Variants in MTUS2 observed in about 807,000 individuals in gnomAD.
The protein encoded by MTUS2 is microtubule-associated tumor suppressor candidate 2.
A neutral mutation model predicts 114.1 loss-of-function variants in MTUS2; 40 were observed. The ratio of observed to expected loss-of-function variants is 0.35; its 90% confidence interval spans 0.27 to 0.46. The LOEUF (loss-of-function observed/expected upper bound fraction) is 0.46. Among genes scored for constraint, MTUS2 ranks in the 20% least tolerant of loss-of-function variants. The pLI, the probability that MTUS2 is intolerant of heterozygous loss-of-function variation, is 1.00. For missense variants in MTUS2, 1,679 were observed against 1,705.4 expected (o/e 0.98, Z 0.27); for synonymous variants, 688 against 672.0 (o/e 1.02, Z -0.37).
chr13:29,428,778 C>A (rs1566194894), intron 8 of MTUS2: 1 of 1,610,180 alleles, frequency 6.2e-7, no homozygotes, highest in African/African-American at 1.3e-5. Flanking sequence ...GCCGGTACCT[C>A]GGCTTAGGAG....
intron 5 of MTUS2, among the ~76,000 whole-genome samples, chr13:29,111,912 A>C (rs1488461354): frequency 6.6e-6 from 1 of 152,176 alleles, no homozygotes. Context: ...ATAAAGTAAG[A>C]AAGTGCCATT....
intron 5 of MTUS2, among the ~76,000 whole-genome samples, chr13:29,133,530 A>G (rs1374738250): frequency 2.0e-5 from 3 of 152,200 alleles, no homozygotes; most frequent in Non-Finnish European, 4.4e-5. Flanking sequence ...ACTTTTGTAT[A>G]TGATGTTAGG....
At chr13:28,950,277 C>G (rs1468746879) in intron 2 of MTUS2, among the ~76,000 whole-genome samples, 4 of 152,190 alleles carry the variant, frequency 2.6e-5, no homozygotes, top group Non-Finnish European at 4.4e-5. Flanking sequence ...GTCCTTTGCT[C>G]ATTTTTAATC....
intron 4 of MTUS2, among the ~76,000 whole-genome samples, chr13:29,044,547 A>T (rs1430046261): frequency 4.6e-5 from 7 of 151,892 alleles, no homozygotes; most frequent in Admixed American, 4.6e-4. Context: ...CTCTTCAGGG[A>T]CTCCAATTAC....
rs547054431 is a variant in MTUS2 at position 29,001,792 on chromosome 13, A to G, written c.-242-22665A>G. 4.6e-5 allele frequency among the ~76,000 whole-genome samples: 7 copies of G among 152,300 alleles called. No homozygotes were observed. In the East Asian group the frequency reaches 5.8e-4, roughly 13 times the overall value. On this transcript the variant is annotated intron_variant, in intron 2 of 15. Coordinates refer to ENST00000612955, the MANE Select transcript of MTUS2 (RefSeq NM_001033602.4). ...ATCCTGGATGATCTGAGTAGGTCCA[A>G]TGAAATCTCTAGGGTCCTTGTAAGA...
At chr13:28,841,060 A>G (rs1368502207) in intron 2 of MTUS2, among the ~76,000 whole-genome samples, 1 of 152,226 alleles carries the variant, frequency 6.6e-6, no homozygotes, top group Non-Finnish European at 1.5e-5. Flanking sequence ...TTGTTCTCAA[A>G]GACGATTTAA....
At chr13:28,933,183 TTATC>T (rs1881713535) in intron 2 of MTUS2, among the ~76,000 whole-genome samples, 1 of 150,452 alleles carries the variant, frequency 6.6e-6, no homozygotes, top group Admixed American at 6.6e-5. Context: ...ATCTGTTAAC[TTATC>T]TATTTATCAG....
At position 29,186,661 on chromosome 13, in the gene MTUS2, C is replaced by A. The variant is rs117177205; in HGVS notation, c.2644+85691C>A. ...TCATAATTGAAGGAGGAAATACAATCCAACAATAGGAGTTGAAGATTTCAG... is the reference window on the plus strand; with the variant it reads ...TCATAATTGAAGGAGGAAATACAATACAACAATAGGAGTTGAAGATTTCAG... On this transcript the variant is annotated intron_variant, in intron 5 of 15. Coordinates refer to ENST00000612955, the MANE Select transcript of MTUS2 (RefSeq NM_001033602.4). Among the ~76,000 whole-genome samples, 256 of 152,250 alleles carry A rather than the reference C, an allele frequency of 1.7e-3. 3 individuals carry two copies. Among genetic ancestry groups the A allele is most frequent in the South Asian group, 0.015 (73 of 4,822 alleles).
At chr13:29,308,441 C>G (rs1395176553) in intron 6 of MTUS2, among the ~76,000 whole-genome samples, 2 of 152,182 alleles carry the variant, frequency 1.3e-5, no homozygotes, top group Non-Finnish European at 2.9e-5. Flanking sequence ...AAACTCAAAA[C>G]TATAAAAACC....
chr13:29,352,234 G>T (rs1040253549), intron 7 of MTUS2, among the ~76,000 whole-genome samples: 5 of 152,176 alleles, frequency 3.3e-5, no homozygotes, highest in African/African-American at 9.7e-5. Flanking sequence ...TCTGTGAAAT[G>T]GAAATTTTAC....
chr13:29,435,773 G>A (rs983188857), intron 8 of MTUS2, among the ~76,000 whole-genome samples: 1 of 152,234 alleles, frequency 6.6e-6, no homozygotes, highest in African/African-American at 2.4e-5. Context: ...TAAATTAGAA[G>A]AGTTGATATC....
chr13:29,088,453 C>T (rs192224168), intron 4 of MTUS2, among the ~76,000 whole-genome samples: 129 of 152,242 alleles, frequency 8.5e-4, no homozygotes, highest in Non-Finnish European at 1.5e-3. Flanking sequence ...TACATTCTTA[C>T]ATTGTTGTGT....
Position 29,384,341 on chromosome 13 carries a change from C to T in MTUS2, c.3117+24868C>T, listed in dbSNP as rs143125351. Among the ~76,000 whole-genome samples the T allele has an allele frequency of 1.7e-3, 261 of 152,340 alleles. 1 individual carries two copies. The highest frequency in any genetic ancestry group is 0.014 in the Middle Eastern group (4 of 294). On this transcript the variant is annotated intron_variant, in intron 8 of 15. Coordinates refer to ENST00000612955, the MANE Select transcript of MTUS2 (RefSeq NM_001033602.4). The stretch of plus-strand genomic sequence containing the variant: ...ATTATAATTATTTATGACCCTTACT[C>T]AATTAAAAATACCAGCTTTTTGTAA...
intron 5 of MTUS2, among the ~76,000 whole-genome samples, chr13:29,118,568 C>T (rs1891181970): frequency 6.6e-6 from 1 of 152,192 alleles, no homozygotes; most frequent in South Asian, 2.1e-4. Context: ...CTGCTGAGTG[C>T]TCGTGGGAAG....
rs372794509 is a variant in MTUS2 at position 29,034,767 on chromosome 13, CGTT to C, written c.2446+643_2446+645del. Among the ~76,000 whole-genome samples, 540 of 152,266 alleles carry C rather than the reference CGTT, an allele frequency of 3.5e-3. 4 individuals carry two copies. Among genetic ancestry groups the C allele is most frequent in the African/African-American group, 0.012 (508 of 41,540 alleles). On this transcript the variant is annotated intron_variant, in intron 4 of 15. Transcript: ENST00000612955. ...CAGGACCTGGCTAGAGATGTAAAAG[CGTT>C]ATCTGTAGGCAGAGAGATGATATTC...
At chr13:29,087,635 G>A (rs1889749590) in intron 4 of MTUS2, among the ~76,000 whole-genome samples, 1 of 152,170 alleles carries the variant, frequency 6.6e-6, no homozygotes, top group African/African-American at 2.4e-5. Context: ...TGTGAAAAAT[G>A]GCATTGATAG....
intron 2 of MTUS2, among the ~76,000 whole-genome samples, chr13:28,912,588 T>C (rs989873948): frequency 6.6e-5 from 10 of 152,104 alleles, no homozygotes; most frequent in African/African-American, 2.2e-4. Context: ...CATTGAATCT[T>C]TAAATTACTT....
At chr13:29,449,446 C>T (rs1030465016) in intron 9 of MTUS2, among the ~76,000 whole-genome samples, 4 of 152,164 alleles carry the variant, frequency 2.6e-5, no homozygotes, top group African/African-American at 9.7e-5. Flanking sequence ...TATAGTTACA[C>T]AGTGCTTAGT....
At chr13:28,902,585 T>C (rs1458038508) in intron 2 of MTUS2, among the ~76,000 whole-genome samples, 1 of 152,162 alleles carries the variant, frequency 6.6e-6, no homozygotes, top group Non-Finnish European at 1.5e-5. Context: ...CATTAATTGA[T>C]ACAATCTTGC....
Sources: gnomAD v4.1 joint callset for allele counts (sites outside exome capture counted in the v4.1 genomes callset) on GRCh38, gnomAD v4.1.1 for gene constraint, MANE v1.5 for transcripts, NCBI Gene and HGNC (gene_info 2026-07-23, HGNC 2026-07-21) for gene names.